The following COL25A1 variants were observed in gnomAD, a reference collection of about 807,000 sequenced individuals.
The protein encoded by COL25A1 is collagen alpha-1(XXV) chain.
Under a neutral mutation model 128.4 loss-of-function variants are expected in COL25A1, and 103 were observed. The ratio of observed to expected loss-of-function variants is 0.80; its 90% CI spans 0.68 to 0.94. The LOEUF is 0.94. Among genes scored for constraint, COL25A1 ranks in the 40% least tolerant of loss-of-function variants. The probability of loss-of-function intolerance (pLI) is 0.00; values close to 1 mark genes in which losing one functional copy is unlikely to be tolerated. For synonymous variants in COL25A1, 279 were observed against 277.2 expected, an observed-to-expected ratio of 1.01 and a Z score of -0.06; for missense variants, 745 against 840.0, an observed-to-expected ratio of 0.89 and a Z score of 1.40.
intron 28 of COL25A1, 99 bp from the exon 29 acceptor site, chr4:108,845,350 TATA>T: frequency 1.1e-6 from 1 of 891,106 alleles, no homozygotes; most frequent in Non-Finnish European, 1.9e-6. Context: ...CTTGACATTT[TATA>T]ATATTATGCA....
chr4:109,066,266 C>T (rs1382829216), intron 3 of COL25A1, among the ~76,000 whole-genome samples: 4 of 152,254 alleles, frequency 2.6e-5, no homozygotes, highest in African/African-American at 9.6e-5. Context: ...CCAAGTGCCT[C>T]TTTTTCTAAT....
chr4:109,259,933 T>C (rs1781321490), intron 3 of COL25A1, among the ~76,000 whole-genome samples: 1 of 152,212 alleles, frequency 6.6e-6, no homozygotes, highest in African/African-American at 2.4e-5. Context: ...CATTGCATGC[T>C]TTGCTGGAAG....
At chr4:108,828,163 CAG>C (rs1221557797) in intron 32 of COL25A1, among the ~76,000 whole-genome samples, 3 of 152,130 alleles carry the variant, frequency 2.0e-5, no homozygotes, top group Non-Finnish European at 2.9e-5. Flanking sequence ...TATTTTGAGA[CAG>C]AGTCTTGCTC....
intron 3 of COL25A1, among the ~76,000 whole-genome samples, chr4:109,112,614 A>G (rs1356267110): frequency 6.6e-6 from 1 of 152,126 alleles, no homozygotes; most frequent in Admixed American, 6.6e-5. Flanking sequence ...AGTAAAACTA[A>G]TATGCACATA....
intron 5 of COL25A1, among the ~76,000 whole-genome samples, chr4:109,038,496 C>A (rs1759565423): frequency 6.6e-6 from 1 of 152,128 alleles, no homozygotes; most frequent in South Asian, 2.1e-4. Flanking sequence ...CTCTGGAGCA[C>A]CCTGAGTGAT....
intron 3 of COL25A1, among the ~76,000 whole-genome samples, chr4:109,272,913 G>A (rs1782294263): frequency 6.6e-6 from 1 of 152,140 alleles, no homozygotes; most frequent in Admixed American, 6.5e-5. Flanking sequence ...TGGGTATTAA[G>A]TACGGTGTCA....
At chr4:108,940,403 C>A in intron 10 of COL25A1, 136 bp downstream of exon 10, 1 of 760,918 alleles carries the variant, frequency 1.3e-6, no homozygotes, top group Non-Finnish European at 2.4e-6. Flanking sequence ...CTCCACTCAT[C>A]ATCCCACTTC....
intron 3 of COL25A1, among the ~76,000 whole-genome samples, chr4:109,076,023 T>C (rs1198470391): frequency 6.6e-6 from 1 of 152,070 alleles, no homozygotes; most frequent in Non-Finnish European, 1.5e-5. Flanking sequence ...CAGTATAGTA[T>C]AACAATTATT....
At chr4:108,826,695 C>T (rs1732428441) in intron 33 of COL25A1, among the ~76,000 whole-genome samples, 1 of 152,132 alleles carries the variant, frequency 6.6e-6, no homozygotes. Flanking sequence ...TTTTTACTAG[C>T]AAGAGTCATT....
At chr4:109,040,856 T>C (rs1403227295) in intron 5 of COL25A1, among the ~76,000 whole-genome samples, 1 of 151,454 alleles carries the variant, frequency 6.6e-6, no homozygotes. Flanking sequence ...GTTTTGGTTT[T>C]TTATTTTTTA....
At chr4:109,019,375 C>CACATATATATATATATATATAT (rs1338511772) in intron 5 of COL25A1, among the ~76,000 whole-genome samples, 83 of 48,808 alleles carry the variant, frequency 1.7e-3, no homozygotes, top group Admixed American at 2.3e-3. Context: ...CACACACACA[C>CACATATATATATATATATATAT]ATATATATAT....
chr4:108,838,110 G>A, intron 31 of COL25A1: 1 of 1,549,308 alleles, frequency 6.5e-7, no homozygotes, highest in South Asian at 1.2e-5. Context: ...GAAGACCAAG[G>A]GGTCCTCTGT....
At chr4:109,020,206 T>C (rs1757594242) in intron 5 of COL25A1, among the ~76,000 whole-genome samples, 1 of 152,216 alleles carries the variant, frequency 6.6e-6, no homozygotes, top group Admixed American at 6.5e-5. Flanking sequence ...CAAGAACTCT[T>C]ATACACTTGA....
chr4:108,893,665 C>T (rs1035706092), intron 16 of COL25A1, among the ~76,000 whole-genome samples: 18 of 152,068 alleles, frequency 1.2e-4, no homozygotes, highest in African/African-American at 3.9e-4. Context: ...CAATCAATGA[C>T]GTAATTTACT....
chr4:109,040,903 T>C (rs1245677373), intron 5 of COL25A1, among the ~76,000 whole-genome samples: 2 of 152,164 alleles, frequency 1.3e-5, no homozygotes, highest in South Asian at 2.1e-4. Flanking sequence ...ACTTATCAAG[T>C]ATCCTGGGGA....
At chr4:109,042,797 CA>C (rs1760046881) in intron 5 of COL25A1, among the ~76,000 whole-genome samples, 1 of 152,040 alleles carries the variant, frequency 6.6e-6, no homozygotes, top group African/African-American at 2.4e-5. Context: ...CATACTTCCA[CA>C]TGATTTGCTT....
intron 3 of COL25A1, among the ~76,000 whole-genome samples, chr4:109,111,499 T>C (rs1046499588): frequency 1.3e-5 from 2 of 152,202 alleles, no homozygotes; most frequent in South Asian, 2.1e-4. Flanking sequence ...AAACCAATAA[T>C]GTGCCCTCAC....
intron 5 of COL25A1, among the ~76,000 whole-genome samples, chr4:109,030,957 T>A (rs1384199723): frequency 6.6e-6 from 1 of 151,996 alleles, no homozygotes; most frequent in Non-Finnish European, 1.5e-5. Flanking sequence ...CCCAGGCTGG[T>A]CTTGAACTGG....
intron 4 of COL25A1, 145 bp from the exon 5 acceptor site, chr4:109,048,320 C>A (rs1760648287): frequency 2.8e-6 from 2 of 712,418 alleles, no homozygotes; most frequent in South Asian, 4.3e-5. Flanking sequence ...GATTCTTAAT[C>A]ATTTTTAGAC....
Sources: gnomAD v4.1 joint callset for allele counts (sites outside exome capture counted in the v4.1 genomes callset) on GRCh38, gnomAD v4.1.1 for gene constraint, MANE v1.5 for transcripts, NCBI Gene and HGNC (gene_info 2026-07-23, HGNC 2026-07-21) for gene names.